LRBA: variants seen among roughly 807,000 people sequenced by gnomAD.
LRBA encodes lipopolysaccharide-responsive and beige-like anchor protein.
LRBA carries 176 observed loss-of-function variants against 330.0 expected under a neutral mutation model. The ratio of observed to expected loss-of-function variants is 0.53; its 90% CI spans 0.47 to 0.60. The LOEUF (loss-of-function observed/expected upper bound fraction) is 0.60. Ranked by LOEUF, LRBA falls within the 20% of genes least tolerant of loss-of-function variation. The pLI, the probability that LRBA is intolerant of heterozygous loss-of-function variation, is 0.00. For synonymous variants in LRBA, 1,230 were observed against 1,193.0 expected, an observed-to-expected ratio of 1.03 and a Z score of -0.64; for missense variants, 3,259 against 3,444.8, an observed-to-expected ratio of 0.95 and a Z score of 1.35.
chr4:150,867,624 T>C (rs1752890178), intron 22 of LRBA, 47 bp downstream of exon 22: 1 of 1,456,780 alleles, frequency 6.9e-7, no homozygotes, highest in African/African-American at 1.5e-5. Context: ...AATTCAAAAA[T>C]TATAGATATT....
intron 34 of LRBA, among the ~76,000 whole-genome samples, chr4:150,770,059 G>A (rs1220990224): frequency 2.6e-5 from 4 of 152,140 alleles, no homozygotes; most frequent in South Asian, 2.1e-4. Context: ...TACCTTCACC[G>A]GTGTGAGTCA....
intron 47 of LRBA, among the ~76,000 whole-genome samples, chr4:150,382,351 C>T (rs900752183): frequency 2.0e-5 from 3 of 152,130 alleles, no homozygotes; most frequent in African/African-American, 4.8e-5. Context: ...GGGCTGGGCA[C>T]GGTGGCTCAT....
chr4:150,365,934 G>GT (rs1396271041), intron 47 of LRBA, among the ~76,000 whole-genome samples: 1 of 151,738 alleles, frequency 6.6e-6, no homozygotes, highest in African/African-American at 2.4e-5. Context: ...ACATTTTCAT[G>GT]TAACTACCCG....
chr4:150,844,866 T>C, intron 26 of LRBA, 87 bp from the exon 27 acceptor site: 1 of 1,062,520 alleles, frequency 9.4e-7, no homozygotes, highest in Non-Finnish European at 1.4e-6. Flanking sequence ...CACAATATGA[T>C]TTACATAAGA....
chr4:150,588,664 C>T (rs1772424496), intron 39 of LRBA, among the ~76,000 whole-genome samples: 1 of 152,172 alleles, frequency 6.6e-6, no homozygotes, highest in Admixed American at 6.5e-5. Flanking sequence ...AATGTTAAAC[C>T]ATATTTTCTG....
intron 22 of LRBA, among the ~76,000 whole-genome samples, chr4:150,862,719 G>A (rs557062022): frequency 5.4e-4 from 81 of 150,502 alleles, no homozygotes; most frequent in Non-Finnish European, 1.0e-3. Context: ...ACGCACGCCT[G>A]TAATCCTAAC....
At chr4:150,503,329 C>T (rs1024871879) in intron 40 of LRBA, among the ~76,000 whole-genome samples, 7 of 152,296 alleles carry the variant, frequency 4.6e-5, no homozygotes, top group African/African-American at 1.2e-4. Context: ...ACACCTCACA[C>T]GGCCGGGTAC....
chr4:150,447,230 T>C (rs1409139383), intron 44 of LRBA, among the ~76,000 whole-genome samples: 1 of 152,234 alleles, frequency 6.6e-6, no homozygotes, highest in Non-Finnish European at 1.5e-5. Context: ...TGTGTCAACT[T>C]GACTGGGCCA....
chr4:150,522,137 A>G (rs11729560), intron 40 of LRBA, among the ~76,000 whole-genome samples: 32,746 of 152,066 alleles, frequency 0.22, 4,382 homozygotes, highest in Non-Finnish European at 0.3. Context: ...ACCAAACCTG[A>G]GTTCTTTTCG....
At chr4:150,639,389 G>GA (rs1190995224) in intron 37 of LRBA, among the ~76,000 whole-genome samples, 4 of 132,350 alleles carry the variant, frequency 3.0e-5, no homozygotes, top group East Asian at 2.3e-4. Flanking sequence ...AAAAAACAAA[G>GA]AAAAAAAAGA....
intron 28 of LRBA, 84 bp from the exon 29 acceptor site, chr4:150,832,060 C>T: frequency 1.3e-6 from 1 of 778,574 alleles, no homozygotes; most frequent in East Asian, 3.0e-5. Flanking sequence ...AAATACAAAA[C>T]ATGTTCACAA....
chr4:150,880,581 G>A (rs1198518665), intron 17 of LRBA, among the ~76,000 whole-genome samples: 2 of 149,848 alleles, frequency 1.3e-5, no homozygotes, highest in Non-Finnish European at 1.5e-5. Context: ...GTAAGCCATC[G>A]AATTAGAACA....
intron 44 of LRBA, among the ~76,000 whole-genome samples, chr4:150,464,878 T>C (rs1202746812): frequency 6.6e-6 from 1 of 152,090 alleles, no homozygotes; most frequent in African/African-American, 2.4e-5. Context: ...ACTTTTTTTT[T>C]CTTGCTGGTT....
chr4:150,980,611 C>T (rs1740723364), intron 2 of LRBA, among the ~76,000 whole-genome samples: 1 of 152,032 alleles, frequency 6.6e-6, no homozygotes, highest in Non-Finnish European at 1.5e-5. Flanking sequence ...GATCACGCCA[C>T]TGCACTTGGG....
At chr4:150,788,542 C>T (rs1235769743) in intron 34 of LRBA, among the ~76,000 whole-genome samples, 4 of 152,052 alleles carry the variant, frequency 2.6e-5, no homozygotes, top group East Asian at 1.9e-4. Flanking sequence ...GGGCAAATCA[C>T]CTGAGGTCAG....
intron 40 of LRBA, among the ~76,000 whole-genome samples, chr4:150,550,695 T>C (rs539761963): frequency 2.6e-5 from 4 of 152,324 alleles, no homozygotes; most frequent in South Asian, 2.1e-4. Flanking sequence ...CCCCAAAATA[T>C]GATGAGTTAG....
chr4:150,654,757 T>C (rs905438392), intron 37 of LRBA, among the ~76,000 whole-genome samples: 1 of 152,156 alleles, frequency 6.6e-6, no homozygotes, highest in South Asian at 2.1e-4. Context: ...TGTGTTCTCA[T>C]TGTTCGATTC....
chr4:150,888,159 GA>G (rs901511364), intron 17 of LRBA, among the ~76,000 whole-genome samples: 33 of 151,824 alleles, frequency 2.2e-4, no homozygotes, highest in African/African-American at 7.7e-4. Flanking sequence ...AAAAGGAAAG[GA>G]AAAAAATGAT....
At chr4:150,319,026 A>C (rs1732112552) in intron 50 of LRBA, among the ~76,000 whole-genome samples, 1 of 152,170 alleles carries the variant, frequency 6.6e-6, no homozygotes, top group Non-Finnish European at 1.5e-5. Context: ...CTAGGTATTA[A>C]GGGAAGCAAG....
Sources: allele counts gnomAD v4.1 joint callset (sites outside exome capture counted in the v4.1 genomes callset), GRCh38; gene constraint gnomAD v4.1.1; transcripts MANE v1.5; gene names NCBI Gene and HGNC (gene_info 2026-07-23, HGNC 2026-07-21).